Variants in LRP1B observed in about 807,000 individuals in gnomAD.
LRP1B encodes LDL receptor related protein 1B.
In LRP1B, 217 loss-of-function variants were observed where a neutral mutation model predicts 556.6. The ratio of observed to expected loss-of-function variants is 0.39; its 90% CI spans 0.35 to 0.44. The LOEUF (loss-of-function observed/expected upper bound fraction) is 0.44, where lower values mean the gene tolerates loss of function less well. Ranked by LOEUF, LRP1B falls within the 20% of genes least tolerant of loss-of-function variation. LRP1B has a pLI of 1.00. For missense variants in LRP1B, 5,053 were observed against 5,620.8 expected (o/e 0.90, Z 3.23); for synonymous variants, 2,047 against 1,865.8 (o/e 1.10, Z -2.50).
chr2:141,321,393 T>C (rs529790876), intron 3 of LRP1B, among the ~76,000 whole-genome samples: 1 of 152,254 alleles, frequency 6.6e-6, no homozygotes, highest in African/African-American at 2.4e-5. Flanking sequence ...TAGTTTTGAA[T>C]TTTGCTATAC....
intron 24 of LRP1B, among the ~76,000 whole-genome samples, chr2:140,885,159 C>G (rs76301113): frequency 6.6e-6 from 1 of 152,032 alleles, no homozygotes. Flanking sequence ...AATCTAAATC[C>G]ATCATTTTAA....
At chr2:141,204,899 T>C (rs1682204166) in intron 6 of LRP1B, among the ~76,000 whole-genome samples, 1 of 151,832 alleles carries the variant, frequency 6.6e-6, no homozygotes, top group African/African-American at 2.4e-5. Context: ...ATCATGGCAC[T>C]GCACCCTAGC....
intron 1 of LRP1B, among the ~76,000 whole-genome samples, chr2:142,023,741 G>A (rs1703417476): frequency 6.6e-6 from 1 of 152,148 alleles, no homozygotes; most frequent in South Asian, 2.1e-4. Flanking sequence ...TGATGGAAAG[G>A]TAGTTTGAGA....
chr2:140,853,423 C>CT (rs1386935527), intron 27 of LRP1B, among the ~76,000 whole-genome samples: 4 of 152,048 alleles, frequency 2.6e-5, no homozygotes, highest in African/African-American at 9.7e-5. Context: ...AGTTTGTGTA[C>CT]TTTTTTGGGT....
intron 6 of LRP1B, among the ~76,000 whole-genome samples, chr2:141,225,628 A>G (rs2105285790): frequency 6.6e-6 from 1 of 152,340 alleles, no homozygotes; most frequent in South Asian, 2.1e-4. Context: ...AAAGTCTGCA[A>G]CTTTCAAGCT....
At chr2:141,989,413 A>G (rs1186358866) in intron 1 of LRP1B, among the ~76,000 whole-genome samples, 1 of 152,100 alleles carries the variant, frequency 6.6e-6, no homozygotes, top group Non-Finnish European at 1.5e-5. Flanking sequence ...AAAACAAAAA[A>G]ATAAAATATT....
intron 3 of LRP1B, among the ~76,000 whole-genome samples, chr2:141,468,958 A>G (rs565359714): frequency 6.6e-6 from 1 of 152,280 alleles, no homozygotes; most frequent in East Asian, 1.9e-4. Context: ...CTGCCGCTTC[A>G]TGGTTTTTTA....
At chr2:141,329,643 C>CAA (rs71391650) in intron 3 of LRP1B, among the ~76,000 whole-genome samples, 51 of 28,838 alleles carry the variant, frequency 1.8e-3, no homozygotes, top group South Asian at 4.4e-3. Flanking sequence ...GACTCTGTCT[C>CAA]AAAAAAAAAA....
chr2:141,103,887 G>T (rs780064421), intron 7 of LRP1B, among the ~76,000 whole-genome samples: 5 of 151,750 alleles, frequency 3.3e-5, no homozygotes, highest in African/African-American at 4.8e-5. Flanking sequence ...GTATTCTGAG[G>T]AGCAAATTAT....
At chr2:140,861,185 T>A (rs1012990383) in intron 27 of LRP1B, among the ~76,000 whole-genome samples, 2 of 152,138 alleles carry the variant, frequency 1.3e-5, no homozygotes, top group Admixed American at 6.5e-5. Context: ...GGAGGGCAGA[T>A]CACCTGAGGT....
intron 2 of LRP1B, among the ~76,000 whole-genome samples, chr2:141,672,780 A>C (rs1207098227): frequency 1.3e-5 from 2 of 152,202 alleles, no homozygotes; most frequent in African/African-American, 2.4e-5. Context: ...CACTGTAAAA[A>C]ATTACAAAAC....
chr2:140,406,996 G>A (rs769215030), intron 66 of LRP1B, among the ~76,000 whole-genome samples: 32 of 151,922 alleles, frequency 2.1e-4, no homozygotes, highest in Non-Finnish European at 4.0e-4. Flanking sequence ...AAATCGGCAC[G>A]TAGGCCAGTA....
intron 11 of LRP1B, among the ~76,000 whole-genome samples, chr2:141,039,247 A>G (rs1401862611): frequency 2.6e-5 from 4 of 152,238 alleles, no homozygotes; most frequent in East Asian, 3.9e-4. Context: ...GAGTGAGTAC[A>G]GTACAGTAAG....
chr2:140,621,113 G>A (rs1683434231), intron 41 of LRP1B, among the ~76,000 whole-genome samples: 1 of 151,808 alleles, frequency 6.6e-6, no homozygotes, highest in South Asian at 2.1e-4. Flanking sequence ...CAGGTGTGGT[G>A]GCTCACATCT....
chr2:141,868,286 C>A (rs1165398065), intron 1 of LRP1B, among the ~76,000 whole-genome samples: 2 of 152,060 alleles, frequency 1.3e-5, no homozygotes, highest in Non-Finnish European at 2.9e-5. Flanking sequence ...TGAGAAGCAA[C>A]TGGATTGCCA....
intron 65 of LRP1B, 25 bp downstream of exon 65, chr2:140,444,305 G>T (rs1171698211): frequency 1.2e-6 from 2 of 1,613,048 alleles, no homozygotes; most frequent in South Asian, 2.2e-5. Flanking sequence ...GTTAAGACAA[G>T]ACAGAGTATT....
chr2:141,450,474 G>T (rs1681375833), intron 3 of LRP1B, among the ~76,000 whole-genome samples: 1 of 151,974 alleles, frequency 6.6e-6, no homozygotes, highest in South Asian at 2.1e-4. Flanking sequence ...TTAGGAAGGT[G>T]CAGAGTAAAC....
chr2:141,646,047 G>A (rs1387448146), intron 2 of LRP1B, among the ~76,000 whole-genome samples: 1 of 152,084 alleles, frequency 6.6e-6, no homozygotes, highest in Non-Finnish European at 1.5e-5. Context: ...CATGTACCCT[G>A]ATTTAAGTTT....
intron 20 of LRP1B, among the ~76,000 whole-genome samples, chr2:140,947,971 G>T (rs1469945932): frequency 1.3e-5 from 2 of 152,098 alleles, no homozygotes; most frequent in Non-Finnish European, 2.9e-5. Flanking sequence ...TCTAAATAAG[G>T]CCATTAACAT....
Sources: allele counts gnomAD v4.1 joint callset (sites outside exome capture counted in the v4.1 genomes callset), GRCh38; gene constraint gnomAD v4.1.1; transcripts MANE v1.5; gene names NCBI Gene and HGNC (gene_info 2026-07-23, HGNC 2026-07-21).